The following ARHGAP26 variants were observed in gnomAD, a reference collection of about 807,000 sequenced individuals.
ARHGAP26 encodes rho GTPase-activating protein 26.
In ARHGAP26, 38 loss-of-function variants were observed where a neutral mutation model predicts 104.8. That is an observed-to-expected ratio of 0.36 (90% CI 0.28 to 0.48). ARHGAP26 has a LOEUF of 0.48. Ranked by LOEUF, ARHGAP26 falls within the 20% of genes least tolerant of loss-of-function variation. The pLI, the probability that ARHGAP26 is intolerant of heterozygous loss-of-function variation, is 0.99. For synonymous variants in ARHGAP26, 341 were observed against 340.0 expected (o/e 1.00, Z -0.03); for missense variants, 704 against 947.9 (o/e 0.74, Z 3.38).
Position 143,101,639 on chromosome 5 carries a change from C to CT in ARHGAP26, c.1539-19337dup, listed in dbSNP as rs554294542. Among the ~76,000 whole-genome samples, 1,417 of 145,100 alleles carry CT rather than the reference C, an allele frequency of 9.8e-3. 23 individuals are homozygous for CT. The highest frequency in any genetic ancestry group is 0.079 in the East Asian group (398 of 5,044). On this transcript the variant is annotated intron_variant, in intron 17 of 22. Transcript: ENST00000645722. ...ATCTTTCTTTAATTACTTTTCCCTT[C>CT]TTTTTTTTTTTTAATTTCCCTGAAA...
In ARHGAP26 at chr5:143,224,107, CTT is replaced by C. The variant is rs11347785; in HGVS notation, c.*1672_*1673del. 358 of 208,972 alleles carry C rather than the reference CTT, an allele frequency of 1.7e-3. No individual in the cohort carries two copies. Among genetic ancestry groups the C allele is most frequent in the East Asian group, 6.2e-3 (78 of 12,622 alleles). The allele number at this position is 208,972 out of a possible 1,614,324, so 12.9% of individuals were successfully genotyped here. A position where few individuals can be genotyped will look rare whatever the true frequency, so the allele number is the denominator to read the frequency against. On this transcript the variant is annotated 3_prime_UTR_variant, in exon 23 of 23. Transcript: ENST00000645722. ...TTGTGTTGAATTACTGTATCTTTTA[CTT>C]TTTTTTTTTTGAAAAGATAAACTTG...
chr5:142,848,472 G>C (rs565812208), intron 1 of ARHGAP26, among the ~76,000 whole-genome samples: 1 of 152,148 alleles, frequency 6.6e-6, no homozygotes, highest in African/African-American at 2.4e-5. Context: ...GTTCTTCCTT[G>C]TTTTCTGTGG....
At chr5:143,012,167 T>C (rs145057152) in intron 11 of ARHGAP26, among the ~76,000 whole-genome samples, 3 of 152,288 alleles carry the variant, frequency 2.0e-5, no homozygotes, top group Non-Finnish European at 4.4e-5. Context: ...AGAAACCTGT[T>C]CTCTTTATAC....
At chr5:143,188,474 C>T (rs184388922) in intron 20 of ARHGAP26, among the ~76,000 whole-genome samples, 39 of 152,266 alleles carry the variant, frequency 2.6e-4, no homozygotes, top group East Asian at 1.5e-3. Flanking sequence ...TAGTCCTTCC[C>T]GGAGGGGAGT....
intron 14 of ARHGAP26, among the ~76,000 whole-genome samples, chr5:143,051,512 C>T (rs1204961972): frequency 6.6e-6 from 1 of 152,190 alleles, no homozygotes; most frequent in Non-Finnish European, 1.5e-5. Flanking sequence ...GTCTCTGTGG[C>T]ATATTCAGAT....
intron 22 of ARHGAP26, among the ~76,000 whole-genome samples, chr5:143,221,086 A>C (rs1284781858): frequency 6.6e-6 from 1 of 152,346 alleles, no homozygotes; most frequent in East Asian, 1.9e-4. Flanking sequence ...AGTGATCTGT[A>C]CATCTTCAGT....
chr5:142,883,986 G>C (rs1232707526), intron 4 of ARHGAP26, among the ~76,000 whole-genome samples: 1 of 152,178 alleles, frequency 6.6e-6, no homozygotes, highest in African/African-American at 2.4e-5. Context: ...AAAGAGATGT[G>C]TCTGAGCTTC....
intron 11 of ARHGAP26, among the ~76,000 whole-genome samples, chr5:142,959,293 G>A (rs756420522): frequency 1.3e-5 from 2 of 152,216 alleles, no homozygotes; most frequent in Middle Eastern, 3.2e-3. Flanking sequence ...TTTTCTGTCA[G>A]TGTAACCAGC....
At chr5:142,820,985 G>A (rs2152072640) in intron 1 of ARHGAP26, among the ~76,000 whole-genome samples, 1 of 152,304 alleles carries the variant, frequency 6.6e-6, no homozygotes, top group Non-Finnish European at 1.5e-5. Context: ...CCAGGTAGTG[G>A]TGGGATTAAG....
At chr5:143,058,584 TAACCTAA>T (rs1786212922) in intron 17 of ARHGAP26, among the ~76,000 whole-genome samples, 1 of 152,250 alleles carries the variant, frequency 6.6e-6, no homozygotes, top group African/African-American at 2.4e-5. Context: ...GCATAACAGT[TAACCTAA>T]ATTATTAAAC....
At chr5:143,103,227 T>C (rs1311770248) in intron 17 of ARHGAP26, 1 of 984,972 alleles carries the variant, frequency 1.0e-6, no homozygotes. Flanking sequence ...ACTGGATCAG[T>C]AGACATGGGA....
intron 17 of ARHGAP26, among the ~76,000 whole-genome samples, chr5:143,076,055 A>G (rs1056304628): frequency 6.6e-6 from 1 of 152,066 alleles, no homozygotes; most frequent in Non-Finnish European, 1.5e-5. Flanking sequence ...GCTGGAATAC[A>G]GTGGCACAAT....
At position 143,147,227 on chromosome 5, in the gene ARHGAP26, C is replaced by T. The variant is rs772215456; in HGVS notation, c.1838-4C>T. 2.5e-6 allele frequency: 4 copies of T among 1,613,484 alleles called. No homozygotes were observed. The highest frequency in any genetic ancestry group is 1.1e-5 in the South Asian group (1 of 90,982). On this transcript the variant is annotated splice_region_variant and splice_polypyrimidine_tract_variant and intron_variant, in intron 19 of 22. Coordinates refer to ENST00000645722, the MANE Select transcript of ARHGAP26 (RefSeq NM_001135608.3). ...ATATGGGACTTGTGGCTTTTCCCCCCCAGAGGAACAAAGGAACAGCATCAT... is the reference window on the plus strand; with the variant it reads ...ATATGGGACTTGTGGCTTTTCCCCCTCAGAGGAACAAAGGAACAGCATCAT...
At chr5:143,179,856 A>T (rs1296622567) in intron 20 of ARHGAP26, among the ~76,000 whole-genome samples, 1 of 152,104 alleles carries the variant, frequency 6.6e-6, no homozygotes, top group Non-Finnish European at 1.5e-5. Flanking sequence ...GTCCCCACTC[A>T]ACCCACTGAC....
chr5:142,927,546 A>G (rs1261017975), intron 10 of ARHGAP26, among the ~76,000 whole-genome samples: 1 of 152,166 alleles, frequency 6.6e-6, no homozygotes, highest in Non-Finnish European at 1.5e-5. Context: ...GCCATTGTTC[A>G]AATATACAAC....
chr5:142,899,720 G>A (rs1562042062), intron 6 of ARHGAP26, among the ~76,000 whole-genome samples: 2 of 152,074 alleles, frequency 1.3e-5, no homozygotes, highest in African/African-American at 4.8e-5. Flanking sequence ...TGTTGGGGGT[G>A]GGGGAGAGAA....
intron 17 of ARHGAP26, among the ~76,000 whole-genome samples, chr5:143,118,050 T>C (rs1795700985): frequency 6.6e-6 from 1 of 152,224 alleles, no homozygotes; most frequent in East Asian, 1.9e-4. Flanking sequence ...CCAACACTTC[T>C]GCCTTCACTG....
intron 17 of ARHGAP26, among the ~76,000 whole-genome samples, chr5:143,097,832 A>AAG (rs1371976838): frequency 6.6e-6 from 1 of 151,486 alleles, no homozygotes; most frequent in Non-Finnish European, 1.5e-5. Flanking sequence ...AAAAAAAAAA[A>AAG]AAAAAGAAAA....
chr5:142,870,905 CT>C (rs1195503406), intron 1 of ARHGAP26, among the ~76,000 whole-genome samples: 1 of 152,192 alleles, frequency 6.6e-6, no homozygotes, highest in Admixed American at 6.5e-5. Context: ...CCAAAACAAG[CT>C]TGAGATGCTG....
Sources: gnomAD v4.1 joint callset for allele counts (sites outside exome capture counted in the v4.1 genomes callset) on GRCh38, gnomAD v4.1.1 for gene constraint, MANE v1.5 for transcripts, NCBI Gene and HGNC (gene_info 2026-07-23, HGNC 2026-07-21) for gene names.